Variants in GAB2 observed in about 807,000 individuals in gnomAD.
GAB2 encodes GRB2 associated binding protein 2.
Under a neutral mutation model 65.5 loss-of-function variants are expected in GAB2, and 26 were observed. The ratio of observed to expected loss-of-function variants is 0.40; its 90% CI spans 0.29 to 0.55. The LOEUF (loss-of-function observed/expected upper bound fraction) is 0.55. Ranked by LOEUF, GAB2 falls within the 20% of genes least tolerant of loss-of-function variation. GAB2 has a pLI of 0.53. For missense variants in GAB2, 884 were observed against 875.8 expected (o/e 1.01, Z -0.12); for synonymous variants, 321 against 329.6 (o/e 0.97, Z 0.28).
chr11:78,377,611 T>C (rs1856647297), intron 1 of GAB2, among the ~76,000 whole-genome samples: 1 of 152,188 alleles, frequency 6.6e-6, no homozygotes, highest in Admixed American at 6.5e-5. Flanking sequence ...AAAAGCCTAT[T>C]ATGCTTTGGA....
At chr11:78,389,589 G>A (rs1445761550) in intron 1 of GAB2, among the ~76,000 whole-genome samples, 1 of 152,164 alleles carries the variant, frequency 6.6e-6, no homozygotes, top group African/African-American at 2.4e-5. Context: ...TTACAGGCGT[G>A]AGCCACCGCG....
chr11:78,372,535 C>T (rs1050653971), intron 1 of GAB2, among the ~76,000 whole-genome samples: 9 of 152,110 alleles, frequency 5.9e-5, no homozygotes, highest in Admixed American at 2.6e-4. Flanking sequence ...TTAAGAATTC[C>T]TGATTTATCA....
intron 1 of GAB2, among the ~76,000 whole-genome samples, chr11:78,331,533 C>T (rs1176941311): frequency 1.3e-5 from 2 of 152,154 alleles, no homozygotes; most frequent in Admixed American, 1.3e-4. Flanking sequence ...GCGTGAGCCA[C>T]TGCGCCCAGC....
At chr11:78,320,497 G>A (rs968127804) in intron 1 of GAB2, among the ~76,000 whole-genome samples, 10 of 152,180 alleles carry the variant, frequency 6.6e-5, no homozygotes, top group African/African-American at 2.4e-4. Context: ...AAAGAGGAGT[G>A]CTATGGCTGG....
chr11:78,253,323 GCT>G (rs972329433), intron 2 of GAB2, among the ~76,000 whole-genome samples: 1 of 152,068 alleles, frequency 6.6e-6, no homozygotes, highest in African/African-American at 2.4e-5. Flanking sequence ...ACATGGTCTT[GCT>G]CTGTTGCTCA....
chr11:78,384,528 C>G (rs186259557), intron 1 of GAB2, among the ~76,000 whole-genome samples: 1 of 152,318 alleles, frequency 6.6e-6, no homozygotes, highest in Admixed American at 6.5e-5. Flanking sequence ...GGACCCAGAA[C>G]TGGGTGCAGA....
chr11:78,337,682 T>C (rs1167324177), intron 1 of GAB2, among the ~76,000 whole-genome samples: 1 of 152,230 alleles, frequency 6.6e-6, no homozygotes, highest in Non-Finnish European at 1.5e-5. Flanking sequence ...TGGTGAGAAG[T>C]AGAAAATGTT....
chr11:78,286,101 T>C (rs550549920), intron 1 of GAB2, among the ~76,000 whole-genome samples: 2 of 152,356 alleles, frequency 1.3e-5, no homozygotes, highest in South Asian at 2.1e-4. Flanking sequence ...GTGCTTACTA[T>C]GCTCTAGGTA....
chr11:78,404,304 A>T (rs1437099937), intron 1 of GAB2, among the ~76,000 whole-genome samples: 1 of 152,228 alleles, frequency 6.6e-6, no homozygotes, highest in Non-Finnish European at 1.5e-5. Flanking sequence ...GCACTTTAGG[A>T]GGCCAAGGCA....
chr11:78,388,770 T>C (rs1856799031), intron 1 of GAB2, among the ~76,000 whole-genome samples: 1 of 152,220 alleles, frequency 6.6e-6, no homozygotes, highest in Non-Finnish European at 1.5e-5. Context: ...GCAAATGCAA[T>C]GATTCTATTC....
chr11:78,391,763 G>A (rs1198152856), intron 1 of GAB2, among the ~76,000 whole-genome samples: 1 of 152,200 alleles, frequency 6.6e-6, no homozygotes, highest in Admixed American at 6.5e-5. Context: ...ATATTGGGGA[G>A]CAGAATCAAG....
intron 1 of GAB2, among the ~76,000 whole-genome samples, chr11:78,327,202 A>C (rs1406023163): frequency 6.6e-6 from 1 of 152,168 alleles, no homozygotes; most frequent in Non-Finnish European, 1.5e-5. Flanking sequence ...TATTATCATC[A>C]CTTCTGTACA....
chr11:78,311,226 C>T (rs1051103660), intron 1 of GAB2, among the ~76,000 whole-genome samples: 2 of 152,096 alleles, frequency 1.3e-5, no homozygotes, highest in Non-Finnish European at 2.9e-5. Context: ...ATTTACTGAA[C>T]ACTTATTAGG....
In GAB2 at chr11:78,235,562, T is replaced by C. The variant is rs191780235; in HGVS notation, c.621-8511A>G. ...AACGATACCCAAGTCACCTCTTGAA[T>C]GCTTTGCTGCTTAGAAATTTCTTCC... On this transcript the variant is annotated intron_variant, in intron 3 of 9. Transcript: ENST00000361507. Among the ~76,000 whole-genome samples the C allele has an allele frequency of 5.9e-5, 9 of 152,332 alleles. No homozygotes were observed. The East Asian group carries it at 1.3e-3, about 23-fold the overall frequency.
In GAB2 at chr11:78,226,734, T is replaced by C. The variant is rs1450143515; in HGVS notation, c.938A>G (p.Asn313Ser). ...CREFGDLLVD[N>S]MDVPATPLSA... Reference sequence around the variant, plus strand: ...GAGTGGGGTGGCCGGAACATCCATATTGTCTACCAGGAGGTCCCCGAACTC... The same window carrying C: ...GAGTGGGGTGGCCGGAACATCCATACTGTCTACCAGGAGGTCCCCGAACTC... The change falls in exon 4 of 10, where the codon AAT becomes AGT. Residue 313 changes from asparagine (N) to serine (S), a missense_variant. Physicochemically the swap from Asn to Ser is conservative, Grantham distance 46. Coordinates refer to ENST00000361507, the MANE Select transcript of GAB2 (RefSeq NM_080491.3). The C allele has an allele frequency of 3.7e-6, 6 of 1,613,868 alleles. No homozygotes were observed. The highest frequency in any genetic ancestry group is 2.2e-5 in the East Asian group (1 of 44,884).
chr11:78,252,700 C>A (rs1377292056), intron 2 of GAB2, among the ~76,000 whole-genome samples: 1 of 152,134 alleles, frequency 6.6e-6, no homozygotes, highest in African/African-American at 2.4e-5. Flanking sequence ...TGACAACTCT[C>A]AAATCTTCAT....
At chr11:78,412,270 C>T (rs955759359) in intron 1 of GAB2, among the ~76,000 whole-genome samples, 2 of 151,976 alleles carry the variant, frequency 1.3e-5, no homozygotes, top group Admixed American at 1.3e-4. Flanking sequence ...TAAATGAGAA[C>T]TAACGGGTGA....
chr11:78,342,572 C>T (rs545287362), intron 1 of GAB2, among the ~76,000 whole-genome samples: 13 of 152,056 alleles, frequency 8.5e-5, no homozygotes, highest in East Asian at 1.9e-4. Flanking sequence ...GCACGCCTGG[C>T]GAATTTTTTG....
chr11:78,250,077 C>T, intron 3 of GAB2, 80 bp downstream of exon 3: 2 of 1,442,570 alleles, frequency 1.4e-6, no homozygotes, highest in Non-Finnish European at 1.9e-6. Flanking sequence ...TTTTGCTTGT[C>T]TTTAAAAAAG....
Sources: allele counts gnomAD v4.1 joint callset (sites outside exome capture counted in the v4.1 genomes callset), GRCh38; gene constraint gnomAD v4.1.1; transcripts MANE v1.5; gene names NCBI Gene and HGNC (gene_info 2026-07-23, HGNC 2026-07-21).